The following HTATIP2 variants were observed in gnomAD, a reference collection of about 807,000 sequenced individuals.
The protein encoded by HTATIP2 is HIV-1 Tat interactive protein 2, also known as protein HTATIP2.
Under a neutral mutation model 24.7 loss-of-function variants are expected in HTATIP2, and 26 were observed. That is an observed-to-expected ratio of 1.05 (90% CI 0.77 to 1.46). The LOEUF (loss-of-function observed/expected upper bound fraction) is 1.46, where lower values mean the gene tolerates loss of function less well. Ranked by LOEUF, HTATIP2 falls within the 40% of genes most tolerant of loss-of-function variation. HTATIP2 has a pLI of 0.00. For synonymous variants in HTATIP2, 99 were observed against 113.2 expected, an observed-to-expected ratio of 0.87 and a Z score of 0.79; for missense variants, 284 against 289.6, an observed-to-expected ratio of 0.98 and a Z score of 0.14.
chr11:20,381,687 T>C (rs1848523757), intron 3 of HTATIP2, among the ~76,000 whole-genome samples: 1 of 152,172 alleles, frequency 6.6e-6, no homozygotes, highest in Admixed American at 6.5e-5. Context: ...GCATGCTTTA[T>C]TTAACAAATT....
chr11:20,380,904 T>G (rs1848510400), intron 3 of HTATIP2, among the ~76,000 whole-genome samples: 1 of 151,978 alleles, frequency 6.6e-6, no homozygotes. Context: ...TTATGCTAAG[T>G]GTGAGGAGAC....
At chr11:20,376,220 G>C (rs562620928) in intron 2 of HTATIP2, 2 of 237,484 alleles carry the variant, frequency 8.4e-6, no homozygotes, top group East Asian at 2.8e-4. Flanking sequence ...CAGAAAACAG[G>C]AGTGTAAAGT....
rs546034477 is a variant in HTATIP2 at position 20,364,087 on chromosome 11, C to G, written c.-151C>G. ...GCGGGCGATGGCCGGGGAGCCGCGC[C>G]CCGCACGTGACTCAGCACTTTCCCC... On this transcript the variant is annotated 5_prime_UTR_variant, in exon 1 of 5. Transcript: ENST00000451739. 1.1e-5 allele frequency: 15 copies of G among 1,376,500 alleles called. No homozygotes were observed. The highest frequency in any genetic ancestry group is 1.3e-5 in the Non-Finnish European group (14 of 1,064,214). 85.3% of individuals were successfully genotyped at this position (1,376,500 alleles called of 1,614,324 possible).
chr11:20,383,364 C>G lies in HTATIP2; in HGVS notation c.*159C>G. On this transcript the variant is annotated 3_prime_UTR_variant, in exon 5 of 5. Coordinates refer to ENST00000451739, the MANE Select transcript of HTATIP2 (RefSeq NM_001098522.2). ...ATGATGGTGCTCTGCATCAGTGGTT[C>G]AGAGCCTGGTTATACATATAGATCA... 2 of 619,824 alleles carry G rather than the reference C, an allele frequency of 3.2e-6. No individual in the cohort carries two copies. The highest frequency in any genetic ancestry group is 2.0e-5 in the South Asian group (1 of 50,814). 38.4% of individuals were successfully genotyped at this position (619,824 alleles called of 1,614,324 possible). A position where few individuals can be genotyped will look rare whatever the true frequency, so the allele number is the denominator to read the frequency against.
chr11:20,381,452 CATAA>C (rs1303533304), intron 3 of HTATIP2, among the ~76,000 whole-genome samples: 7 of 151,612 alleles, frequency 4.6e-5, no homozygotes, highest in African/African-American at 9.7e-5. Flanking sequence ...ACAAAAAATA[CATAA>C]ATAAATAAAT....
At chr11:20,365,340 C>T (rs2064687671) in intron 1 of HTATIP2, among the ~76,000 whole-genome samples, 1 of 152,192 alleles carries the variant, frequency 6.6e-6, no homozygotes, top group South Asian at 2.1e-4. Context: ...TCTGTCTTGT[C>T]ATGACCCCCT....
chr11:20,376,663 G>C lies in HTATIP2; in HGVS notation c.387G>C (p.Leu129Phe). Residue 129 changes from leucine to phenylalanine, a missense_variant, in exon 3 of 5, where the codon TTG becomes TTC. By Grantham distance (22) the Leu-to-Phe change is conservative (BLOSUM62 0). Coordinates refer to ENST00000451739, the MANE Select transcript of HTATIP2 (RefSeq NM_001098522.2). ...AKAGGCKHFNLLSSKGADKSS... is the reference protein window; with the variant it reads ...AKAGGCKHFNFLSSKGADKSS... The stretch of plus-strand genomic sequence containing the variant: ...CTGGAGGGTGCAAACATTTCAACTT[G>C]CTATCCTCTAAAGGAGCTGATAAAT... The C allele has an allele frequency of 6.2e-7, 1 of 1,613,562 alleles. No individual in the cohort carries two copies. The highest frequency in any genetic ancestry group is 8.5e-7 in the Non-Finnish European group (1 of 1,179,632).
chr11:20,363,847 G>A lies in HTATIP2; in HGVS notation c.-391G>A. 1.6e-6 allele frequency: 2 copies of A among 1,244,620 alleles called. No individual in the cohort carries two copies. Among genetic ancestry groups the A allele is most frequent in the Non-Finnish European group, 1.0e-6 (1 of 990,982 alleles). 77.1% of individuals were successfully genotyped at this position (1,244,620 alleles called of 1,614,324 possible). A position where few individuals can be genotyped will look rare whatever the true frequency, so the allele number is the denominator to read the frequency against. ...CTGCGGCGCTGAGCGCGGCGGCGGC[G>A]GCTGCTCTGGCGGCCGCCCTGCTCC... On this transcript the variant is annotated 5_prime_UTR_variant, in exon 1 of 5. Coordinates refer to ENST00000451739, the MANE Select transcript of HTATIP2 (RefSeq NM_001098522.2).
chr11:20,381,487 T>A (rs1453553825), intron 3 of HTATIP2, among the ~76,000 whole-genome samples: 1 of 151,872 alleles, frequency 6.6e-6, no homozygotes, highest in Non-Finnish European at 1.5e-5. Context: ...AAAAAATTTT[T>A]AAAAAGAAAA....
chr11:20,374,790 G>T (rs1848417826), intron 2 of HTATIP2, among the ~76,000 whole-genome samples: 1 of 152,126 alleles, frequency 6.6e-6, no homozygotes, highest in Admixed American at 6.5e-5. Context: ...TTTTAATAAT[G>T]TGTTTGTTAC....
intron 3 of HTATIP2, among the ~76,000 whole-genome samples, chr11:20,377,816 A>G (rs1277503045): frequency 6.6e-6 from 1 of 152,252 alleles, no homozygotes; most frequent in African/African-American, 2.4e-5. Context: ...TAAAATAACA[A>G]AAATACGTCC....
chr11:20,365,186 AC>A (rs2064685287), intron 1 of HTATIP2, among the ~76,000 whole-genome samples: 2 of 152,160 alleles, frequency 1.3e-5, no homozygotes, highest in South Asian at 4.1e-4. Context: ...ACAAGGTTTC[AC>A]CATGTTGGCC....
chr11:20,379,142 A>G (rs986393971), intron 3 of HTATIP2, among the ~76,000 whole-genome samples: 1 of 152,218 alleles, frequency 6.6e-6, no homozygotes. Context: ...TCCAAGGCCT[A>G]TGCCACTAGC....
Position 20,378,228 on chromosome 11 carries a change from A to G in HTATIP2, c.441+1511A>G, listed in dbSNP as rs535624530. 3.9e-5 allele frequency among the ~76,000 whole-genome samples: 6 copies of G among 152,298 alleles called. No homozygotes were observed. The South Asian group carries it at 1.2e-3, about 32-fold the overall frequency. ...ACCAGATGAAGATCAGTGAGCCACC[A>G]ATGAAATTACATGAAGAATGGAAAA... On this transcript the variant is annotated intron_variant, in intron 3 of 4. Coordinates refer to ENST00000451739, the MANE Select transcript of HTATIP2 (RefSeq NM_001098522.2).
chr11:20,377,296 T>A (rs1848461475), intron 3 of HTATIP2, among the ~76,000 whole-genome samples: 1 of 152,116 alleles, frequency 6.6e-6, no homozygotes, highest in African/African-American at 2.4e-5. Context: ...TTGCCCAGGC[T>A]GGTCTCAAAC....
intron 2 of HTATIP2, among the ~76,000 whole-genome samples, chr11:20,369,096 G>A (rs752984792): frequency 9.9e-5 from 15 of 152,100 alleles, no homozygotes; most frequent in Non-Finnish European, 1.6e-4. Flanking sequence ...TTTGGGCTGT[G>A]TACAATATAA....
intron 3 of HTATIP2, among the ~76,000 whole-genome samples, chr11:20,381,091 A>T (rs1565185206): frequency 6.6e-6 from 1 of 152,160 alleles, no homozygotes. Flanking sequence ...TTTAAAACTT[A>T]GATCGTGATG....
intron 3 of HTATIP2, among the ~76,000 whole-genome samples, chr11:20,378,386 C>G (rs1454316917): frequency 6.6e-6 from 1 of 152,068 alleles, no homozygotes. Context: ...TCACTACAAC[C>G]TCAGATTCCT....
At chr11:20,382,954 T>G in intron 4 of HTATIP2, 26 bp from the exon 5 acceptor site, 1 of 1,528,432 alleles carries the variant, frequency 6.5e-7, no homozygotes, top group Non-Finnish European at 8.8e-7. Context: ...CTGCTTTTCT[T>G]TCTTTTTTTT....
Sources: allele counts gnomAD v4.1 joint callset (sites outside exome capture counted in the v4.1 genomes callset), GRCh38; gene constraint gnomAD v4.1.1; transcripts MANE v1.5; gene names NCBI Gene and HGNC (gene_info 2026-07-23, HGNC 2026-07-21).